Variants in SH3TC1 observed in about 807,000 individuals in gnomAD.
SH3TC1 encodes the protein SH3 domain and tetratricopeptide repeats 1, also known as SH3 domain and tetratricopeptide repeat-containing protein 1.
A neutral mutation model predicts 117.3 loss-of-function variants in SH3TC1; 135 were observed. That is an observed-to-expected ratio of 1.15 (90% confidence interval 1.00 to 1.33). SH3TC1 has a LOEUF of 1.33. SH3TC1 is among the 40% of genes most tolerant of loss of function. The pLI is 0.00. For synonymous variants in SH3TC1, 898 were observed against 816.9 expected, an observed-to-expected ratio of 1.10 and a Z score of -1.69; for missense variants, 2,092 against 1,794.3, an observed-to-expected ratio of 1.17 and a Z score of -3.00.
At chr4:8,236,520 G>T (rs1578754467) in intron 16 of SH3TC1, 92 bp downstream of exon 16, 10 of 1,399,588 alleles carry the variant, frequency 7.1e-6, no homozygotes, top group Non-Finnish European at 9.4e-6. Flanking sequence ...ACAGCTGCCG[G>T]ATTTTCCTGG....
At chr4:8,197,716 C>T (rs1270988585), upstream of SH3TC1, among the ~76,000 whole-genome samples, 3 of 15,552 alleles carry the variant, frequency 1.9e-4, no homozygotes, top group Non-Finnish European at 1.3e-3. Context: ...GAGTTCTTTT[C>T]AGGGCAGCGA....
chr4:8,222,960 G>C lies in SH3TC1; in HGVS notation c.1233G>C (p.Val411=). ...TGTCGGGCACCGATGTCTGCAGCGT[G>C]TACAGCCTGGGTGCGTGTGGGCGAT... ...RRMSGTDVCS[V]YSLDSVEEAE... Residue 411 remains valine, a synonymous_variant, in exon 10 of 18, where the codon GTG becomes GTC. Coordinates refer to ENST00000245105, the MANE Select transcript of SH3TC1 (RefSeq NM_018986.5). 6.2e-7 allele frequency: 1 copy of C among 1,611,896 alleles called. No homozygotes were observed. The highest frequency in any genetic ancestry group is 8.5e-7 in the Non-Finnish European group (1 of 1,179,432).
intron 13 of SH3TC1, chr4:8,232,851 G>A (rs1006556693): frequency 2.4e-6 from 3 of 1,258,430 alleles, no homozygotes; most frequent in African/African-American, 1.5e-5. Context: ...TTAGAGCCAT[G>A]TTCTCAAAGT....
chr4:8,211,150 C>G (rs1356697887), intron 3 of SH3TC1, among the ~76,000 whole-genome samples: 2 of 106,026 alleles, frequency 1.9e-5, no homozygotes, highest in African/African-American at 7.8e-5. Flanking sequence ...CTACCTCCCT[C>G]TCCCCCCACC....
At chr4:8,201,911 TC>T (rs1329069136) in intron 1 of SH3TC1, among the ~76,000 whole-genome samples, 2 of 152,114 alleles carry the variant, frequency 1.3e-5, no homozygotes, top group Admixed American at 6.6e-5. Flanking sequence ...CTGCTGGGAC[TC>T]CTGCTCTGCC....
intron 1 of SH3TC1, chr4:8,201,605 A>C (rs1460231687): frequency 6.6e-6 from 1 of 152,438 alleles, no homozygotes; most frequent in Non-Finnish European, 1.5e-5. Context: ...CTGCTTGTGC[A>C]GTGGTGGCTG....
intron 1 of SH3TC1, among the ~76,000 whole-genome samples, chr4:8,203,727 C>T (rs926337352): frequency 6.6e-6 from 1 of 152,140 alleles, no homozygotes; most frequent in African/African-American, 2.4e-5. Flanking sequence ...ATGGACTCGT[C>T]CCCCTGCTCC....
chr4:8,222,453 A>T (rs1304629234), intron 9 of SH3TC1, among the ~76,000 whole-genome samples: 1 of 131,864 alleles, frequency 7.6e-6, no homozygotes, highest in Non-Finnish European at 1.5e-5. Context: ...GGCTCACTGC[A>T]ACCTCTTCCT....
chr4:8,199,444 C>A (rs1164746791), intron 1 of SH3TC1, 39 bp downstream of exon 1: 1 of 152,330 alleles, frequency 6.6e-6, no homozygotes, highest in African/African-American at 2.4e-5. Flanking sequence ...GTGGACTGGC[C>A]GAGCAGGCTG....
intron 4 of SH3TC1, among the ~76,000 whole-genome samples, chr4:8,213,897 A>G (rs895277806): frequency 6.6e-6 from 1 of 151,956 alleles, no homozygotes; most frequent in African/African-American, 2.4e-5. Flanking sequence ...GGAAAAAAAA[A>G]AAAAAAGAAA....
At chr4:8,223,123 C>A (rs1387919798) in intron 10 of SH3TC1, among the ~76,000 whole-genome samples, 153 bp downstream of exon 10, 1 of 152,240 alleles carries the variant, frequency 6.6e-6, no homozygotes, top group Non-Finnish European at 1.5e-5. Flanking sequence ...CACATAGGGG[C>A]TGCAGACAAG....
intron 12 of SH3TC1, chr4:8,231,592 G>T (rs1721216081): frequency 4.7e-6 from 1 of 212,800 alleles, no homozygotes; most frequent in East Asian, 1.1e-4. Flanking sequence ...ATGATGCCGT[G>T]TGTGGCAGAC....
At chr4:8,213,413 C>G (rs1718924763) in intron 4 of SH3TC1, among the ~76,000 whole-genome samples, 1 of 152,192 alleles carries the variant, frequency 6.6e-6, no homozygotes, top group African/African-American at 2.4e-5. Context: ...CTTAGAATTA[C>G]GTCCCCGGGA....
chr4:8,209,849 CT>C lies in SH3TC1; in HGVS notation c.247+29del. Reference sequence around the variant, plus strand: ...TAAACATCCTGGGCCCTACACAGGGCTTCAGGTTCAAATCCGGGCTGTGCCG... The same window carrying C: ...TAAACATCCTGGGCCCTACACAGGGCTCAGGTTCAAATCCGGGCTGTGCCG... On this transcript the variant is annotated intron_variant, in intron 3 of 17. Coordinates refer to ENST00000245105, the MANE Select transcript of SH3TC1 (RefSeq NM_018986.5). The surrounding 1 kb of genome is among the most constrained non-coding windows in gnomAD (Gnocchi z 5.9). The C allele has an allele frequency of 6.2e-7, 1 of 1,607,564 alleles. No individual in the cohort carries two copies. The highest frequency in any genetic ancestry group is 8.5e-7 in the Non-Finnish European group (1 of 1,176,732).
intron 15 of SH3TC1, chr4:8,235,964 G>T (rs933220409): frequency 2.5e-6 from 1 of 406,028 alleles, no homozygotes; most frequent in Non-Finnish European, 4.4e-6. Flanking sequence ...CTCATGGTGT[G>T]GCTCAGCCCT....
At chr4:8,239,100 C>T (rs1722084591) in intron 17 of SH3TC1, among the ~76,000 whole-genome samples, 1 of 152,190 alleles carries the variant, frequency 6.6e-6, no homozygotes, top group Admixed American at 6.5e-5. Context: ...TTGCCGATTG[C>T]CTCTAAAATG....
intron 12 of SH3TC1, among the ~76,000 whole-genome samples, chr4:8,229,701 G>A (rs1302141536): frequency 6.6e-6 from 1 of 151,936 alleles, no homozygotes; most frequent in Non-Finnish European, 1.5e-5. Context: ...ATCTGCCCAA[G>A]GAGGAGTGGG....
At position 8,237,151 on chromosome 4, in the gene SH3TC1, T is replaced by G. The variant is rs551930333; in HGVS notation, c.3557-323T>G. 1.9e-5 allele frequency: 6 copies of G among 311,954 alleles called. No homozygotes were observed. The East Asian group carries it at 3.1e-4, about 16-fold the overall frequency. The allele number at this position is 311,954 out of a possible 1,614,324, so 19.3% of individuals were successfully genotyped here. ...TTGGATGTCATGTCTGTGGGTTGCC[T>G]GGAGCCCTGGTGCCCAGGAGCGCGT... On this transcript the variant is annotated intron_variant, in intron 16 of 17. Transcript: ENST00000245105.
chr4:8,207,124 C>T (rs561631061), intron 2 of SH3TC1, among the ~76,000 whole-genome samples: 9 of 150,698 alleles, frequency 6.0e-5, no homozygotes, highest in African/African-American at 9.8e-5. Flanking sequence ...TGTGTTCTGA[C>T]GTGACCGCGA....
Sources: gnomAD v4.1 joint callset for allele counts (sites outside exome capture counted in the v4.1 genomes callset) on GRCh38, gnomAD v4.1.1 for gene constraint, Gnocchi (gnomAD v3.1) non-coding constraint, MANE v1.5 for transcripts, NCBI Gene and HGNC (gene_info 2026-07-23, HGNC 2026-07-21) for gene names.